The following PAQR5 variants were observed in gnomAD, a reference collection of about 807,000 sequenced individuals.
PAQR5 encodes the protein progestin and adipoQ receptor family member 5.
A neutral mutation model predicts 34.5 loss-of-function variants in PAQR5; 20 were observed. The ratio of observed to expected loss-of-function variants is 0.58; its 90% CI spans 0.41 to 0.84. The LOEUF (loss-of-function observed/expected upper bound fraction) is 0.84, where lower values mean the gene tolerates loss of function less well. Ranked by LOEUF, PAQR5 falls within the 40% of genes least tolerant of loss-of-function variation. The pLI, the probability that PAQR5 is intolerant of heterozygous loss-of-function variation, is 0.00. For synonymous variants in PAQR5, 131 were observed against 155.6 expected (o/e 0.84, Z 1.18); for missense variants, 378 against 412.7 (o/e 0.92, Z 0.73).
intron 8 of PAQR5, among the ~76,000 whole-genome samples, chr15:69,402,321 CT>C (rs869050882): frequency 2.1e-3 from 297 of 143,910 alleles, no homozygotes; most frequent in Admixed American, 2.8e-3. Context: ...CCTTTTCTTT[CT>C]TTTTTTTTTT....
chr15:69,368,696 C>T (rs1353144172), intron 3 of PAQR5, among the ~76,000 whole-genome samples: 1 of 152,092 alleles, frequency 6.6e-6, no homozygotes, highest in African/African-American at 2.4e-5. Flanking sequence ...TCTCTTCAGA[C>T]AGGTCTGGTG....
At chr15:69,311,497 C>T (rs1338379714) in intron 1 of PAQR5, among the ~76,000 whole-genome samples, 1 of 152,138 alleles carries the variant, frequency 6.6e-6, no homozygotes, top group Non-Finnish European at 1.5e-5. Flanking sequence ...CAAGTTGTTT[C>T]CATCTCCCCT....
chr15:69,381,253 T>A (rs2055877651), intron 4 of PAQR5, among the ~76,000 whole-genome samples: 1 of 152,230 alleles, frequency 6.6e-6, no homozygotes, highest in Non-Finnish European at 1.5e-5. Flanking sequence ...CAGGGGGACC[T>A]GCTTCCTATG....
chr15:69,348,023 C>T (rs550337505), intron 2 of PAQR5, among the ~76,000 whole-genome samples: 33 of 152,276 alleles, frequency 2.2e-4, no homozygotes, highest in African/African-American at 6.7e-4. Context: ...CTGCAGCCAA[C>T]AGTCCTCAGC....
chr15:69,401,404 G>A (rs113654310), intron 8 of PAQR5, among the ~76,000 whole-genome samples: 1 of 152,120 alleles, frequency 6.6e-6, no homozygotes, highest in African/African-American at 2.4e-5. Context: ...TGTCAGAAGG[G>A]GTTGTAACTA....
intron 6 of PAQR5, among the ~76,000 whole-genome samples, chr15:69,394,923 G>C (rs1331288951): frequency 1.3e-5 from 2 of 152,142 alleles, no homozygotes; most frequent in African/African-American, 4.8e-5. Context: ...CTCTAGACCC[G>C]GCTTTGCAGC....
At position 69,322,756 on chromosome 15, in the gene PAQR5, AAGAAGAAGAAGAAGAGGG is replaced by A. The variant is rs1566997837; in HGVS notation, c.-276-14572_-276-14555del. On this transcript the variant is annotated intron_variant, in intron 1 of 8. Transcript: ENST00000395407. ...GAAGAAGAAGAAGAAGAAGAAGAAG[AAGAAGAAGAAGAAGAGGG>A]AGAAGAAGAAGACGAGGAAGAAGAA... Among the ~76,000 whole-genome samples, 40 of 45,908 alleles carry A rather than the reference AAGAAGAAGAAGAAGAGGG, an allele frequency of 8.7e-4. 2 individuals are homozygous for A. The highest frequency in any genetic ancestry group is 2.4e-3 in the East Asian group (3 of 1,226). The allele number at this position is 45,908 out of a possible 152,430, so 30.1% of individuals were successfully genotyped here. A position where few individuals can be genotyped will look rare whatever the true frequency, so the allele number is the denominator to read the frequency against.
intron 6 of PAQR5, chr15:69,391,515 C>T (rs943624388): frequency 1.4e-4 from 50 of 366,724 alleles, no homozygotes; most frequent in Non-Finnish European, 1.8e-4. Context: ...CAGTAATAAC[C>T]CTGCGGAAAC....
intron 1 of PAQR5, among the ~76,000 whole-genome samples, chr15:69,327,573 T>C (rs1046149611): frequency 1.3e-5 from 2 of 152,174 alleles, no homozygotes; most frequent in Non-Finnish European, 2.9e-5. Context: ...AACATTCACC[T>C]GCAGGCATAT....
In PAQR5 at chr15:69,321,123, GTC is replaced by G. The variant is rs2054086768; in HGVS notation, c.-276-16217_-276-16216del. 2.6e-5 allele frequency among the ~76,000 whole-genome samples: 4 copies of G among 152,310 alleles called. No homozygotes were observed. In the South Asian group the frequency reaches 8.3e-4, roughly 32 times the overall value. On this transcript the variant is annotated intron_variant, in intron 1 of 8. Coordinates refer to ENST00000395407, the MANE Select transcript of PAQR5 (RefSeq NM_017705.4). ...CGCTTCCTGTATCAGTTTCAAAACT[GTC>G]ATGTTGATATCCCACATGTTAGGAA... is the stretch of plus-strand genomic sequence containing the variant.
At chr15:69,393,287 C>CT (rs1411253000) in intron 6 of PAQR5, among the ~76,000 whole-genome samples, 1 of 152,140 alleles carries the variant, frequency 6.6e-6, no homozygotes, top group African/African-American at 2.4e-5. Context: ...TTCCCTGTCT[C>CT]TGCCTTTGGT....
At chr15:69,305,323 T>TC (rs1210423340) in intron 1 of PAQR5, among the ~76,000 whole-genome samples, 6 of 152,148 alleles carry the variant, frequency 3.9e-5, no homozygotes, top group Non-Finnish European at 1.5e-5. Flanking sequence ...CCAACGGTCA[T>TC]CCTCAGGACA....
chr15:69,338,480 T>C (rs1218342177), intron 2 of PAQR5, among the ~76,000 whole-genome samples: 1 of 152,206 alleles, frequency 6.6e-6, no homozygotes, highest in Non-Finnish European at 1.5e-5. Flanking sequence ...CTAATGTTTT[T>C]CCCACACAAG....
chr15:69,390,330 T>TTATG (rs2056224077), intron 6 of PAQR5, among the ~76,000 whole-genome samples: 1 of 87,776 alleles, frequency 1.1e-5, no homozygotes, highest in African/African-American at 3.1e-5. Flanking sequence ...TTTTATTTAT[T>TTATG]TATTTATTTA....
At chr15:69,326,540 A>G (rs2054255952) in intron 1 of PAQR5, among the ~76,000 whole-genome samples, 1 of 151,194 alleles carries the variant, frequency 6.6e-6, no homozygotes, top group Admixed American at 6.6e-5. Context: ...GGTTCAAGCA[A>G]TTCTCCCTGC....
At chr15:69,362,184 T>C (rs1378892898) in intron 3 of PAQR5, among the ~76,000 whole-genome samples, 1 of 152,212 alleles carries the variant, frequency 6.6e-6, no homozygotes, top group African/African-American at 2.4e-5. Flanking sequence ...GGGAGAAAGA[T>C]GAACATGTCC....
At chr15:69,352,637 G>A (rs998321271) in intron 2 of PAQR5, among the ~76,000 whole-genome samples, 73 of 152,224 alleles carry the variant, frequency 4.8e-4, no homozygotes, top group African/African-American at 1.7e-3. Context: ...GACAGCTGCA[G>A]CGCTATGGCC....
intron 3 of PAQR5, among the ~76,000 whole-genome samples, chr15:69,365,170 A>C (rs2415046): frequency 0.86 from 129,374 of 151,230 alleles, 57,018 homozygotes; most frequent in South Asian, 0.98. Context: ...GCAGTGGCGC[A>C]ATCTCGGCTC....
intron 6 of PAQR5, among the ~76,000 whole-genome samples, chr15:69,395,369 C>T (rs1430034717): frequency 6.6e-6 from 1 of 152,222 alleles, no homozygotes; most frequent in Admixed American, 6.5e-5. Flanking sequence ...AGCTCTGCTT[C>T]TTATTGGCTC....
Sources: gnomAD v4.1 joint callset for allele counts (sites outside exome capture counted in the v4.1 genomes callset) on GRCh38, gnomAD v4.1.1 for gene constraint, MANE v1.5 for transcripts, NCBI Gene and HGNC (gene_info 2026-07-23, HGNC 2026-07-21) for gene names.